Variants in RHOBTB1 observed in about 807,000 individuals in gnomAD.
RHOBTB1 encodes the protein rho-related BTB domain-containing protein 1.
RHOBTB1 carries 40 observed loss-of-function variants against 71.6 expected under a neutral mutation model. The ratio of observed to expected loss-of-function variants is 0.56; its 90% confidence interval spans 0.43 to 0.73. RHOBTB1 has a LOEUF of 0.73. Ranked by LOEUF, RHOBTB1 falls within the 30% of genes least tolerant of loss-of-function variation. The probability of loss-of-function intolerance (pLI) is 0.00; values close to 1 mark genes in which losing one functional copy is unlikely to be tolerated. For synonymous variants in RHOBTB1, 319 were observed against 334.9 expected (o/e 0.95, Z 0.52); for missense variants, 797 against 894.0 (o/e 0.89, Z 1.38).
chr10:60,907,597 T>C (rs75653192), intron 4 of RHOBTB1, among the ~76,000 whole-genome samples: 1 of 152,322 alleles, frequency 6.6e-6, no homozygotes, highest in East Asian at 1.9e-4. Flanking sequence ...GTTACAACAC[T>C]CATGCTACTC....
intron 7 of RHOBTB1, among the ~76,000 whole-genome samples, chr10:60,885,665 G>T (rs548052330): frequency 1.9e-4 from 29 of 152,170 alleles, no homozygotes; most frequent in Non-Finnish European, 3.7e-4. Flanking sequence ...CCCCTGTCTG[G>T]TTAGGGGCAT....
chr10:60,877,952 G>T lies in RHOBTB1; in HGVS notation c.1682C>A (p.Ala561Asp), dbSNP rs2081120627. Residue 561 changes from alanine (A) to aspartate (D), a missense_variant, in exon 8 of 11, where the codon GCC becomes GAC. Ala to Asp is a moderately radical substitution (Grantham distance 126). Coordinates refer to ENST00000337910, the MANE Select transcript of RHOBTB1 (RefSeq NM_014836.5). ...TGGCAGGCAAAATCTGTTTGCCAAG[G>T]CAATTAATTCCAGCGGGTCCAGATC... ...NLDLDPLELI[A>D]LANRFCLPHL... The T allele has an allele frequency of 4.3e-6, 7 of 1,614,000 alleles. No individual in the cohort carries two copies. The highest frequency in any genetic ancestry group is 5.9e-6 in the Non-Finnish European group (7 of 1,179,934).
chr10:60,932,678 T>G (rs375083594), intron 2 of RHOBTB1, among the ~76,000 whole-genome samples: 39 of 152,256 alleles, frequency 2.6e-4, no homozygotes, highest in Admixed American at 1.6e-3. Context: ...GCAAAGATGT[T>G]CATGATACAT....
intron 4 of RHOBTB1, among the ~76,000 whole-genome samples, chr10:60,901,257 G>C (rs1250197717): frequency 6.6e-6 from 1 of 152,204 alleles, no homozygotes; most frequent in Non-Finnish European, 1.5e-5. Context: ...ATTTTTGGGG[G>C]AGAATAAAGT....
Position 60,870,366 on chromosome 10 carries a change from T to G in RHOBTB1, c.*1116A>C, listed in dbSNP as rs1447884035. The G allele has an allele frequency of 2.0e-5, 3 of 152,610 alleles. No homozygotes were observed. Among genetic ancestry groups the G allele is most frequent in the Non-Finnish European group, 4.4e-5 (3 of 68,036 alleles). The allele number at this position is 152,610 out of a possible 1,614,324, so 9.5% of individuals were successfully genotyped here. A position where few individuals can be genotyped will look rare whatever the true frequency, so the allele number is the denominator to read the frequency against. On this transcript the variant is annotated 3_prime_UTR_variant, in exon 11 of 11. Coordinates refer to ENST00000337910, the MANE Select transcript of RHOBTB1 (RefSeq NM_014836.5). Reference sequence around the variant, plus strand: ...CCTCCAGCTTTGTGCTTTCACAGGCTCCCAATGCATTTCAGCAGAAGTGGG... The same window carrying G: ...CCTCCAGCTTTGTGCTTTCACAGGCGCCCAATGCATTTCAGCAGAAGTGGG...
downstream of RHOBTB1, among the ~76,000 whole-genome samples, chr10:60,868,528 A>G (rs1015206811): frequency 4.6e-5 from 7 of 152,198 alleles, no homozygotes; most frequent in Non-Finnish European, 1.0e-4. Context: ...TTGACAACTA[A>G]TATACCATAT....
intron 2 of RHOBTB1, among the ~76,000 whole-genome samples, chr10:60,959,409 A>C (rs1356665180): frequency 1.3e-5 from 2 of 152,190 alleles, no homozygotes; most frequent in Non-Finnish European, 1.5e-5. Context: ...CCAAGTGAGC[A>C]ATAGATTTAC....
downstream of RHOBTB1, among the ~76,000 whole-genome samples, chr10:60,865,386 T>C (rs1376599755): frequency 6.6e-6 from 1 of 152,250 alleles, no homozygotes; most frequent in Non-Finnish European, 1.5e-5. Flanking sequence ...ATATTTATAG[T>C]GTGTAATGTG....
intron 1 of RHOBTB1, among the ~76,000 whole-genome samples, chr10:60,999,286 C>CA (rs774924161): frequency 2.4e-4 from 36 of 151,684 alleles, no homozygotes; most frequent in African/African-American, 8.5e-4. Flanking sequence ...GGACAAGTGT[C>CA]AAAAAAAAGA....
chr10:60,867,106 A>G (rs890751672), downstream of RHOBTB1, among the ~76,000 whole-genome samples: 2 of 152,186 alleles, frequency 1.3e-5, no homozygotes, highest in African/African-American at 4.8e-5. Flanking sequence ...TTTAACTTGT[A>G]CTGAAAACTC....
chr10:60,881,517 G>A lies in RHOBTB1; in HGVS notation c.1576-3459C>T, dbSNP rs368653881. Among the ~76,000 whole-genome samples, 128 of 152,262 alleles carry A rather than the reference G, an allele frequency of 8.4e-4. 1 individual carries two copies. The highest frequency in any genetic ancestry group is 2.9e-3 in the African/African-American group (120 of 41,564). On this transcript the variant is annotated intron_variant, in intron 7 of 10. Coordinates refer to ENST00000337910, the MANE Select transcript of RHOBTB1 (RefSeq NM_014836.5). ...GGTGTTTCTGAAAACAATGCCTCTC[G>A]TGATAGCGCAAGAGCCTGGGGCAGG...
At chr10:60,865,524 C>T (rs756606078), downstream of RHOBTB1, among the ~76,000 whole-genome samples, 5 of 152,230 alleles carry the variant, frequency 3.3e-5, no homozygotes, top group South Asian at 2.1e-4. Flanking sequence ...TTGCCTTTCA[C>T]GAGGGTCAGA....
At chr10:60,970,051 T>C (rs1028283887) in intron 2 of RHOBTB1, among the ~76,000 whole-genome samples, 1 of 152,054 alleles carries the variant, frequency 6.6e-6, no homozygotes. Context: ...TCAAAGACTG[T>C]ATTTCCAGTG....
chr10:60,898,174 G>C (rs766915372), intron 4 of RHOBTB1, among the ~76,000 whole-genome samples: 8 of 152,026 alleles, frequency 5.3e-5, no homozygotes, highest in Non-Finnish European at 1.0e-4. Context: ...GACAGACATT[G>C]TGGTCACATT....
chr10:60,970,718 CT>C (rs1042036853), intron 2 of RHOBTB1, among the ~76,000 whole-genome samples: 6 of 151,392 alleles, frequency 4.0e-5, no homozygotes, highest in East Asian at 1.9e-4. Flanking sequence ...GCTTACATAG[CT>C]TTTTTTTTCT....
Position 60,888,700 on chromosome 10 carries a change from C to T in RHOBTB1, c.968G>A (p.Arg323Gln), listed in dbSNP as rs200984963. 3.9e-5 allele frequency: 63 copies of T among 1,614,210 alleles called. No individual in the cohort carries two copies. Among genetic ancestry groups the T allele is most frequent in the Non-Finnish European group, 4.3e-5 (51 of 1,180,028 alleles). The change falls in exon 6 of 11, where the codon CGG becomes CAG. Residue 323 changes from arginine to glutamine, a missense_variant. Arg to Gln is a conservative substitution (Grantham distance 43, BLOSUM62 1). This residue lies in a region of RHOBTB1 where 658 missense variants were observed against 681.5 expected (regional missense o/e 0.97). Transcript: ENST00000337910. ...TTCCTCTGGGTCGACACTCAATATC[C>T]GCCCCTGGAAATCTCTGCTCTGCTT... is the stretch of plus-strand genomic sequence containing the variant. ...KEKQSRDFQGRILSVDPEEER... is the reference protein window; with the variant it reads ...KEKQSRDFQGQILSVDPEEER...
intron 1 of RHOBTB1, among the ~76,000 whole-genome samples, chr10:60,992,785 G>T (rs879812634): frequency 7.9e-5 from 12 of 152,118 alleles, no homozygotes; most frequent in Admixed American, 7.2e-4. Context: ...AATGCCATCT[G>T]ATTTTGATCT....
At chr10:60,863,657 C>T in the RHOBTB1 span, among the ~76,000 whole-genome samples, 1 of 152,158 alleles carries the variant, frequency 6.6e-6, no homozygotes, top group South Asian at 2.1e-4. Context: ...CTCAGCCTCC[C>T]GAGTAGCTGG....
At chr10:60,866,713 G>A (rs2132114645), downstream of RHOBTB1, among the ~76,000 whole-genome samples, 1 of 152,192 alleles carries the variant, frequency 6.6e-6, no homozygotes, top group Non-Finnish European at 1.5e-5. Flanking sequence ...CTAGTGAGGG[G>A]AAATGTTCTC....
Sources: allele counts gnomAD v4.1 joint callset (sites outside exome capture counted in the v4.1 genomes callset), GRCh38; gene constraint gnomAD v4.1.1; regional missense constraint gnomAD v4.1.1; transcripts MANE v1.5; gene names NCBI Gene and HGNC (gene_info 2026-07-23, HGNC 2026-07-21).